DTNBP1: variants seen among roughly 807,000 people sequenced by gnomAD.
DTNBP1 encodes the protein dystrobrevin binding protein 1.
A neutral mutation model predicts 42.8 loss-of-function variants in DTNBP1; 35 were observed. That is an observed-to-expected ratio of 0.82 (90% CI 0.63 to 1.09). DTNBP1 has a LOEUF of 1.09. Among genes scored for constraint, DTNBP1 ranks in the 50% least tolerant of loss-of-function variants. The pLI, the probability that DTNBP1 is intolerant of heterozygous loss-of-function variation, is 0.00. For synonymous variants in DTNBP1, 171 were observed against 162.2 expected (o/e 1.05, Z -0.41); for missense variants, 457 against 424.2 (o/e 1.08, Z -0.68).
At chr6:15,579,350 A>T (rs1048068033) in intron 7 of DTNBP1, among the ~76,000 whole-genome samples, 1 of 152,246 alleles carries the variant, frequency 6.6e-6, no homozygotes, top group African/African-American at 2.4e-5. Flanking sequence ...TTGACTGCAT[A>T]GAAGTAGAGA....
intron 7 of DTNBP1, among the ~76,000 whole-genome samples, chr6:15,570,136 A>T (rs961547961): frequency 6.6e-6 from 1 of 151,790 alleles, no homozygotes; most frequent in Non-Finnish European, 1.5e-5. Flanking sequence ...GACAATCAAC[A>T]CCAAATTCTA....
rs181224672 is a variant in DTNBP1 at position 15,648,597 on chromosome 6, T to C, written c.161+2716A>G. Among the ~76,000 whole-genome samples the C allele has an allele frequency of 3.3e-5, 5 of 152,090 alleles. No individual in the cohort carries two copies. In the East Asian group the frequency reaches 9.6e-4, roughly 29 times the overall value. ...AATTAAGTCAGTTGTTTCTATATACTACCAATAAATAATTCAAAAAAAGCA... is the reference window on the plus strand; with the variant it reads ...AATTAAGTCAGTTGTTTCTATATACCACCAATAAATAATTCAAAAAAAGCA... On this transcript the variant is annotated intron_variant, in intron 3 of 9. Coordinates refer to ENST00000344537, the MANE Select transcript of DTNBP1 (RefSeq NM_032122.5).
chr6:15,524,783 G>A, intron 8 of DTNBP1, 114 bp from the exon 9 acceptor site: 4 of 1,491,090 alleles, frequency 2.7e-6, no homozygotes, highest in Non-Finnish European at 3.6e-6. Context: ...CCTTCAAAAT[G>A]GAATTTGAAG....
In DTNBP1 at chr6:15,523,123, G is replaced by T; in HGVS notation, c.908C>A (p.Thr303Asn). ...ACTGATGTCCCGGGTGGCCGAGTCG[G>T]TGCAGGTGGAGGAAGAAGAAGGTGG... is the stretch of plus-strand genomic sequence containing the variant. ...AKPPSSSSTCTDSATRDISEG... is the reference protein window; with the variant it reads ...AKPPSSSSTCNDSATRDISEG... Residue 303 changes from threonine to asparagine, a missense_variant, in exon 10 of 10, where the codon ACC (threonine) becomes AAC (asparagine). Transcript: ENST00000344537. 6.2e-7 allele frequency: 1 copy of T among 1,614,252 alleles called. No homozygotes were observed. Among genetic ancestry groups the T allele is most frequent in the Non-Finnish European group, 8.5e-7 (1 of 1,180,042 alleles).
chr6:15,643,321 CT>C (rs1289938689), intron 3 of DTNBP1, among the ~76,000 whole-genome samples: 3 of 152,142 alleles, frequency 2.0e-5, no homozygotes, highest in African/African-American at 7.2e-5. Flanking sequence ...AAACCTTTCA[CT>C]TACTAGCATT....
At chr6:15,538,911 T>C (rs1393269447) in intron 7 of DTNBP1, among the ~76,000 whole-genome samples, 1 of 152,214 alleles carries the variant, frequency 6.6e-6, no homozygotes, top group African/African-American at 2.4e-5. Context: ...AGGGGTGTTA[T>C]CAAGATTGTT....
intron 4 of DTNBP1, among the ~76,000 whole-genome samples, chr6:15,631,932 T>C (rs2113753101): frequency 1.3e-5 from 2 of 152,344 alleles, no homozygotes; most frequent in Admixed American, 1.3e-4. Context: ...AAAACTGTCA[T>C]CTGCAAATAA....
chr6:15,658,703 C>T (rs1158086369), intron 1 of DTNBP1, among the ~76,000 whole-genome samples: 1 of 152,174 alleles, frequency 6.6e-6, no homozygotes, highest in East Asian at 1.9e-4. Context: ...AAGTCAAAGA[C>T]CAGAGTGGCT....
intron 4 of DTNBP1, among the ~76,000 whole-genome samples, chr6:15,636,157 C>CTTTTTTTTTTT (rs70996562): frequency 0.094 from 11,726 of 125,216 alleles, 998 homozygotes; most frequent in African/African-American, 0.18. Flanking sequence ...TTACCTGCAC[C>CTTTTTTTTTTT]TTTTTTTTTT....
chr6:15,633,218 A>G (rs1759794970), intron 4 of DTNBP1, among the ~76,000 whole-genome samples: 1 of 152,220 alleles, frequency 6.6e-6, no homozygotes, highest in African/African-American at 2.4e-5. Flanking sequence ...TCCATTCTGT[A>G]GCCTGTGAAT....
intron 4 of DTNBP1, among the ~76,000 whole-genome samples, chr6:15,628,555 A>G (rs1324047460): frequency 6.6e-6 from 1 of 151,608 alleles, no homozygotes; most frequent in Non-Finnish European, 1.5e-5. Context: ...ACAGGCACCT[A>G]CCACCACACC....
At chr6:15,632,495 A>G (rs904925320) in intron 4 of DTNBP1, among the ~76,000 whole-genome samples, 3 of 152,216 alleles carry the variant, frequency 2.0e-5, no homozygotes, top group Non-Finnish European at 4.4e-5. Context: ...ATGGCTTAGA[A>G]GGAAAGAAAC....
chr6:15,618,418 C>T (rs9476870), intron 5 of DTNBP1, among the ~76,000 whole-genome samples: 98,711 of 151,730 alleles, frequency 0.65, 32,891 homozygotes, highest in African/African-American at 0.78. Flanking sequence ...AAACTACCTA[C>T]TGGGTACAAC....
At chr6:15,527,530 T>C (rs556557911) in intron 8 of DTNBP1, among the ~76,000 whole-genome samples, 146 of 152,294 alleles carry the variant, frequency 9.6e-4, no homozygotes, top group African/African-American at 3.4e-3. Flanking sequence ...ATGGTACCCC[T>C]GCAAGAAATC....
At chr6:15,607,570 G>A (rs1009267953) in intron 6 of DTNBP1, among the ~76,000 whole-genome samples, 1 of 152,166 alleles carries the variant, frequency 6.6e-6, no homozygotes, top group African/African-American at 2.4e-5. Context: ...CCAAAGTCCT[G>A]GGATTATAGG....
chr6:15,555,786 C>G (rs1166092629), intron 7 of DTNBP1, among the ~76,000 whole-genome samples: 10 of 152,176 alleles, frequency 6.6e-5, no homozygotes, highest in Admixed American at 2.0e-4. Flanking sequence ...ACCAGTAGCC[C>G]TTGGGGCTGC....
At chr6:15,567,930 A>G (rs983981351) in intron 7 of DTNBP1, among the ~76,000 whole-genome samples, 2 of 152,220 alleles carry the variant, frequency 1.3e-5, no homozygotes, top group African/African-American at 4.8e-5. Context: ...TAGGAACAAG[A>G]ACATTACGAG....
intron 3 of DTNBP1, among the ~76,000 whole-genome samples, chr6:15,640,914 T>C (rs1760307086): frequency 6.6e-6 from 1 of 152,150 alleles, no homozygotes; most frequent in African/African-American, 2.4e-5. Context: ...CACTTGTTCC[T>C]GAAGTAGCTT....
chr6:15,537,129 T>G (rs1773277846), intron 7 of DTNBP1, among the ~76,000 whole-genome samples: 1 of 152,190 alleles, frequency 6.6e-6, no homozygotes, highest in East Asian at 1.9e-4. Flanking sequence ...GACTTAAGAC[T>G]TTTGGCTTAG....
Sources: allele counts gnomAD v4.1 joint callset (sites outside exome capture counted in the v4.1 genomes callset), GRCh38; gene constraint gnomAD v4.1.1; transcripts MANE v1.5; gene names NCBI Gene and HGNC (gene_info 2026-07-23, HGNC 2026-07-21).